Variants in ACTR1A observed in about 807,000 individuals in gnomAD.
ACTR1A encodes the protein alpha-centractin.
In ACTR1A, 10 loss-of-function variants were observed where a neutral mutation model predicts 50.7. That is an observed-to-expected ratio of 0.20 (90% CI 0.12 to 0.33). The LOEUF (loss-of-function observed/expected upper bound fraction) is 0.33, where lower values mean the gene tolerates loss of function less well. Among genes scored for constraint, ACTR1A ranks in the 10% least tolerant of loss-of-function variants. ACTR1A has a pLI of 1.00. For missense variants in ACTR1A, 253 were observed against 491.7 expected (o/e 0.51, Z 4.59); for synonymous variants, 177 against 184.2 (o/e 0.96, Z 0.32).
intron 1 of ACTR1A, 122 bp from the exon 2 acceptor site, chr10:102,490,735 G>T: frequency 1.3e-6 from 1 of 741,892 alleles, no homozygotes; most frequent in Non-Finnish European, 2.2e-6. Context: ...GCTCACACTT[G>T]TAATCCCAAC....
At position 102,481,112 on chromosome 10, in the gene ACTR1A, C is replaced by T. The variant is rs2062138198; in HGVS notation, c.1028+20G>A. ...GCCATCACTTCCTGTTCTGTTCTTA[C>T]TCCTGGAAGAGCTACTCACCCAATC... On this transcript the variant is annotated intron_variant, in intron 10 of 10. Coordinates refer to ENST00000369905, the MANE Select transcript of ACTR1A (RefSeq NM_005736.4). 6.2e-7 allele frequency: 1 copy of T among 1,606,840 alleles called. No individual in the cohort carries two copies. The highest frequency in any genetic ancestry group is 8.5e-7 in the Non-Finnish European group (1 of 1,175,604).
intron 1 of ACTR1A, among the ~76,000 whole-genome samples, chr10:102,491,093 T>C (rs1222220031): frequency 6.6e-6 from 1 of 152,140 alleles, no homozygotes; most frequent in African/African-American, 2.4e-5. Flanking sequence ...AATAGGATGG[T>C]GAGGAGGATT....
intron 9 of ACTR1A, 77 bp from the exon 10 acceptor site, chr10:102,481,249 C>A: frequency 6.9e-7 from 1 of 1,447,684 alleles, no homozygotes; most frequent in South Asian, 1.4e-5. Context: ...CCTCTTTCTG[C>A]CCATGGCAGG....
At chr10:102,496,261 A>G (rs1433183412) in intron 1 of ACTR1A, among the ~76,000 whole-genome samples, 1 of 152,222 alleles carries the variant, frequency 6.6e-6, no homozygotes, top group East Asian at 1.9e-4. Context: ...TTGGATAGAA[A>G]GGAGAATCAG....
chr10:102,500,913 A>G (rs949561007), intron 1 of ACTR1A, among the ~76,000 whole-genome samples: 3 of 151,752 alleles, frequency 2.0e-5, no homozygotes, highest in Non-Finnish European at 2.9e-5. Flanking sequence ...CCTACAAAAA[A>G]TACAAAAATT....
At chr10:102,491,562 C>T (rs561228376) in intron 1 of ACTR1A, among the ~76,000 whole-genome samples, 3 of 152,290 alleles carry the variant, frequency 2.0e-5, no homozygotes, top group East Asian at 3.9e-4. Context: ...AAGACTAAAG[C>T]CTACTCTGAG....
chr10:102,491,432 C>T (rs1006087167), intron 1 of ACTR1A, among the ~76,000 whole-genome samples: 1 of 152,192 alleles, frequency 6.6e-6, no homozygotes, highest in Non-Finnish European at 1.5e-5. Context: ...CCATGGAACA[C>T]GTGCTGTCTG....
At chr10:102,497,416 T>C (rs936582411) in intron 1 of ACTR1A, among the ~76,000 whole-genome samples, 1 of 152,046 alleles carries the variant, frequency 6.6e-6, no homozygotes, top group Non-Finnish European at 1.5e-5. Flanking sequence ...AAAATGCATA[T>C]GCACATAAAA....
At chr10:102,489,254 T>A in intron 2 of ACTR1A, 116 bp from the exon 3 acceptor site, 1 of 617,420 alleles carries the variant, frequency 1.6e-6, no homozygotes, top group East Asian at 3.3e-5. Flanking sequence ...AGGAGTGAAG[T>A]CACAGTTGAT....
At chr10:102,502,367 T>C (rs1564653106) in intron 1 of ACTR1A, among the ~76,000 whole-genome samples, 1 of 152,248 alleles carries the variant, frequency 6.6e-6, no homozygotes, top group Non-Finnish European at 1.5e-5. Context: ...AGGACTGGCT[T>C]GGACTATAAC....
rs1294432931 is a variant in ACTR1A at position 102,489,072 on chromosome 10, G to C, written c.180C>G (p.Pro60=). 1.3e-6 allele frequency: 2 copies of C among 1,581,750 alleles called. No individual in the cohort carries two copies. The highest frequency in any genetic ancestry group is 1.8e-5 in the Admixed American group (1 of 55,986). The change falls in exon 3 of 11, where the codon CCC becomes CCG. Residue 60 remains proline (P), a synonymous_variant. Transcript: ENST00000369905. ...TAGGCCTGGGAATTACCTCAGCTTTGGGGCCAATGAAGATGTCGCCTTCAA... is the reference window on the plus strand; with the variant it reads ...TAGGCCTGGGAATTACCTCAGCTTTCGGGCCAATGAAGATGTCGCCTTCAA... ...GALEGDIFIG[P]KAEEHRGLLS...
At chr10:102,489,587 G>A (rs2062183004) in intron 2 of ACTR1A, among the ~76,000 whole-genome samples, 1 of 152,124 alleles carries the variant, frequency 6.6e-6, no homozygotes, top group South Asian at 2.1e-4. Flanking sequence ...GCTGAGGCAG[G>A]TGGATCATTT....
intron 5 of ACTR1A, among the ~76,000 whole-genome samples, chr10:102,484,678 T>A (rs1425590227): frequency 1.3e-5 from 2 of 152,066 alleles, no homozygotes; most frequent in African/African-American, 2.4e-5. Context: ...GTTTTAACTC[T>A]CTAGACAAAA....
At chr10:102,484,587 C>T (rs2062158104) in intron 5 of ACTR1A, among the ~76,000 whole-genome samples, 1 of 152,162 alleles carries the variant, frequency 6.6e-6, no homozygotes. Flanking sequence ...TCCAAGTTCC[C>T]TCCCCGTACC....
chr10:102,484,179 A>G lies in ACTR1A; in HGVS notation c.638T>C (p.Ile213Thr). 6.2e-7 allele frequency: 1 copy of G among 1,614,140 alleles called. No homozygotes were observed. The highest frequency in any genetic ancestry group is 8.5e-7 in the Non-Finnish European group (1 of 1,180,012). ...ACTTACTTCTTTTATGGCCTTGACA[A>G]TCTCAAACTCAGAGGATGAGTGGAA... ...YDFHSSSEFE[I>T]VKAIKERACY... The change falls in exon 6 of 11, where the codon ATT becomes ACT. Residue 213 changes from isoleucine to threonine, a missense_variant. Coordinates refer to ENST00000369905, the MANE Select transcript of ACTR1A (RefSeq NM_005736.4).
At chr10:102,487,933 G>T (rs896105654) in intron 4 of ACTR1A, among the ~76,000 whole-genome samples, 1 of 151,990 alleles carries the variant, frequency 6.6e-6, no homozygotes, top group African/African-American at 2.4e-5. Flanking sequence ...GCCCGGCCAC[G>T]ACTTGGCTTT....
At position 102,494,806 on chromosome 10, in the gene ACTR1A, T is replaced by A. The variant is rs577690036; in HGVS notation, c.49-4193A>T. On this transcript the variant is annotated intron_variant, in intron 1 of 10. Transcript: ENST00000369905. ...AACGCTGTCTCTACAAAATATTAAT[T>A]TTAATTTTAATTTTAATTTTTTTGA... Among the ~76,000 whole-genome samples, 37 of 151,832 alleles carry A rather than the reference T, an allele frequency of 2.4e-4. No individual in the cohort carries two copies. The South Asian group carries it at 6.0e-3, about 25-fold the overall frequency.
At chr10:102,483,913 G>A (rs1256219944) in intron 6 of ACTR1A, among the ~76,000 whole-genome samples, 1 of 152,080 alleles carries the variant, frequency 6.6e-6, no homozygotes, top group Non-Finnish European at 1.5e-5. Flanking sequence ...AAAACATACT[G>A]AGCCCCTATG....
chr10:102,495,132 TC>T (rs1245507759), intron 1 of ACTR1A, among the ~76,000 whole-genome samples: 1 of 151,826 alleles, frequency 6.6e-6, no homozygotes, highest in Non-Finnish European at 1.5e-5. Context: ...TAAAAATTAC[TC>T]GGGTGTGGTG....
Sources: allele counts gnomAD v4.1 joint callset (sites outside exome capture counted in the v4.1 genomes callset), GRCh38; gene constraint gnomAD v4.1.1; transcripts MANE v1.5; gene names NCBI Gene and HGNC (gene_info 2026-07-23, HGNC 2026-07-21).